Variants in GCFC2 observed in about 807,000 individuals in gnomAD.
The protein encoded by GCFC2 is intron Large complex component GCFC2.
In GCFC2, 102 loss-of-function variants were observed where a neutral mutation model predicts 99.4. The ratio of observed to expected loss-of-function variants is 1.03; its 90% CI spans 0.87 to 1.21. The LOEUF is 1.21. GCFC2 is among the 50% of genes most tolerant of loss of function. The pLI, the probability that GCFC2 is intolerant of heterozygous loss-of-function variation, is 0.00. For synonymous variants in GCFC2, 338 were observed against 316.8 expected, an observed-to-expected ratio of 1.07 and a Z score of -0.71; for missense variants, 973 against 920.9, an observed-to-expected ratio of 1.06 and a Z score of -0.73.
At chr2:75,699,167 A>C (rs1359142419) in intron 4 of GCFC2, among the ~76,000 whole-genome samples, 1 of 152,206 alleles carries the variant, frequency 6.6e-6, no homozygotes, top group Non-Finnish European at 1.5e-5. Context: ...AAGGTCTGAA[A>C]AGTCATGCAA....
chr2:75,671,813 G>C (rs1375255043), intron 14 of GCFC2, 137 bp downstream of exon 14: 2 of 392,928 alleles, frequency 5.1e-6, no homozygotes, highest in East Asian at 3.9e-5. Context: ...GCAGAGTTGA[G>C]TAATTCGACA....
chr2:75,713,061 AT>A (rs927250284), upstream of GCFC2, among the ~76,000 whole-genome samples: 3 of 151,744 alleles, frequency 2.0e-5, no homozygotes, highest in South Asian at 2.1e-4. Context: ...TAGCCCCGGA[AT>A]TTTTTTTTCT....
At chr2:75,666,835 G>GAAGGTTTTTTT (rs1678858896) in intron 15 of GCFC2, among the ~76,000 whole-genome samples, 1 of 152,108 alleles carries the variant, frequency 6.6e-6, no homozygotes, top group Admixed American at 6.6e-5. Context: ...TGCTCTTGAG[G>GAAGGTTTTTTT]TCCGAAAACG....
chr2:75,690,229 C>T (rs528852396), intron 8 of GCFC2, 148 bp from the exon 9 acceptor site: 4 of 589,846 alleles, frequency 6.8e-6, no homozygotes, highest in Non-Finnish European at 1.2e-5. Flanking sequence ...TATCAGCGCA[C>T]AATTTTATTA....
chr2:75,691,364 TGCA>T (rs1680061374), intron 7 of GCFC2, among the ~76,000 whole-genome samples: 1 of 152,186 alleles, frequency 6.6e-6, no homozygotes, highest in East Asian at 1.9e-4. Context: ...AAAGCAAAAC[TGCA>T]GATTAGAGGG....
intron 13 of GCFC2, among the ~76,000 whole-genome samples, chr2:75,673,007 A>G (rs1679175291): frequency 6.6e-6 from 1 of 150,954 alleles, no homozygotes; most frequent in Admixed American, 6.6e-5. Context: ...ATGTGTACAC[A>G]TGTTTTGAAA....
At chr2:75,694,023 A>T (rs1297474395) in intron 6 of GCFC2, among the ~76,000 whole-genome samples, 1 of 152,106 alleles carries the variant, frequency 6.6e-6, no homozygotes, top group Non-Finnish European at 1.5e-5. Flanking sequence ...TTATAACAAA[A>T]ATTTATATAC....
upstream of GCFC2, chr2:75,710,990 A>G (rs775683711): frequency 5.9e-6 from 8 of 1,345,352 alleles, no homozygotes; most frequent in African/African-American, 1.6e-5. Flanking sequence ...CCTTCTGCTC[A>G]CCGCTACTCT....
At chr2:75,668,320 A>G (rs774484638) in intron 15 of GCFC2, among the ~76,000 whole-genome samples, 12 of 152,168 alleles carry the variant, frequency 7.9e-5, no homozygotes, top group Non-Finnish European at 1.2e-4. Flanking sequence ...TGGAGCTTAG[A>G]ATGCATATAA....
At chr2:75,682,951 A>C (rs1357894603) in intron 11 of GCFC2, among the ~76,000 whole-genome samples, 1 of 151,862 alleles carries the variant, frequency 6.6e-6, no homozygotes, top group African/African-American at 2.4e-5. Flanking sequence ...ATGTGAAAAG[A>C]CCAAATCTAT....
chr2:75,704,841 A>C (rs1299461658), intron 2 of GCFC2, among the ~76,000 whole-genome samples: 1 of 151,992 alleles, frequency 6.6e-6, no homozygotes, highest in Non-Finnish European at 1.5e-5. Flanking sequence ...ATGCCTGGCT[A>C]ATTTTTACAT....
intron 3 of GCFC2, 46 bp from the exon 4 acceptor site, chr2:75,701,333 T>G (rs1169724875): frequency 1.8e-6 from 2 of 1,136,806 alleles, no homozygotes; most frequent in Admixed American, 3.6e-5. Context: ...ATTTTTCCAT[T>G]TTAATTGCAG....
rs756373820 is a variant in GCFC2 at position 75,706,546 on chromosome 2, C to T, written c.371G>A (p.Gly124Glu). 1 of 1,599,606 alleles carries T rather than the reference C, an allele frequency of 6.3e-7. No homozygotes were observed. The highest frequency in any genetic ancestry group is 8.5e-7 in the Non-Finnish European group (1 of 1,170,718). The change falls in exon 2 of 17, where the codon GGA becomes GAA. Residue 124 changes from glycine (G) to glutamate (E), a missense_variant. By Grantham distance (98) the Gly-to-Glu change is moderately conservative (BLOSUM62 -2). Transcript: ENST00000321027. The part of the protein sequence containing the change: ...GLSSDSSSSL[G>E]EKELSSTVKI... Reference sequence around the variant, plus strand: ...ACCTGTTGATGAAAGTTCTTTTTCTCCAAGAGAGCTAGAACTGTCAGAAGA... The same window carrying T: ...ACCTGTTGATGAAAGTTCTTTTTCTTCAAGAGAGCTAGAACTGTCAGAAGA...
chr2:75,689,359 A>G (rs1248667273), intron 9 of GCFC2, 134 bp from the exon 10 acceptor site: 1 of 550,364 alleles, frequency 1.8e-6, no homozygotes, highest in Non-Finnish European at 3.2e-6. Context: ...AATTTTTATT[A>G]AATCACTTTA....
chr2:75,667,592 CT>C (rs953442319), intron 15 of GCFC2, among the ~76,000 whole-genome samples: 2 of 152,170 alleles, frequency 1.3e-5, no homozygotes, highest in Non-Finnish European at 2.9e-5. Flanking sequence ...TATGTAAACT[CT>C]TTTTAAAAGT....
chr2:75,692,413 G>T (rs1431877956), intron 6 of GCFC2, among the ~76,000 whole-genome samples: 1 of 152,016 alleles, frequency 6.6e-6, no homozygotes, highest in African/African-American at 2.4e-5. Flanking sequence ...AGCACTTTGG[G>T]AGGTGGGTAG....
At position 75,689,992 on chromosome 2, in the gene GCFC2, A is replaced by T; in HGVS notation, c.1316T>A (p.Met439Lys). The change falls in exon 9 of 17, where the codon ATG becomes AAG. Residue 439 changes from methionine (M) to lysine (K), a missense_variant. Physicochemically the swap from Met to Lys is moderately conservative, Grantham distance 95. Coordinates refer to ENST00000321027, the MANE Select transcript of GCFC2 (RefSeq NM_003203.5). ...SSDDELPSAE[M>K]IDFQKSQGDI... is the part of the protein sequence containing the mutation. ...ACCTTGGCTTTTTTGGAAGTCAATCATCTCTGCTGAAGGCAGTTCATCATC... is the reference window on the plus strand; with the variant it reads ...ACCTTGGCTTTTTTGGAAGTCAATCTTCTCTGCTGAAGGCAGTTCATCATC... 1 of 1,597,878 alleles carries T rather than the reference A, an allele frequency of 6.3e-7. No individual in the cohort carries two copies. The highest frequency in any genetic ancestry group is 8.6e-7 in the Non-Finnish European group (1 of 1,168,362).
chr2:75,701,847 C>T, intron 3 of GCFC2: 1 of 974,456 alleles, frequency 1.0e-6, no homozygotes, highest in East Asian at 9.4e-5. Context: ...TAATACATGA[C>T]ATCTAAAATC....
At chr2:75,683,617 G>T (rs530028119) in intron 11 of GCFC2, among the ~76,000 whole-genome samples, 1 of 151,944 alleles carries the variant, frequency 6.6e-6, no homozygotes, top group East Asian at 1.9e-4. Flanking sequence ...AAGTAAATGG[G>T]CTAAAAGCCC....
Sources: allele counts gnomAD v4.1 joint callset (sites outside exome capture counted in the v4.1 genomes callset), GRCh38; gene constraint gnomAD v4.1.1; transcripts MANE v1.5; gene names NCBI Gene and HGNC (gene_info 2026-07-23, HGNC 2026-07-21).